Variants in MAP7D2 observed in about 807,000 individuals in gnomAD.
MAP7D2 encodes MAP7 domain-containing protein 2.
MAP7D2 carries 33 observed loss-of-function variants against 63.5 expected under a neutral mutation model. That is an observed-to-expected ratio of 0.52 (90% CI 0.39 to 0.70). The LOEUF (loss-of-function observed/expected upper bound fraction) is 0.70, where lower values mean the gene tolerates loss of function less well. Ranked by LOEUF, MAP7D2 falls within the 30% of genes least tolerant of loss-of-function variation. The pLI is 0.00. For synonymous variants in MAP7D2, 224 were observed against 223.7 expected, an observed-to-expected ratio of 1.00 and a Z score of -0.01; for missense variants, 626 against 604.0, an observed-to-expected ratio of 1.04 and a Z score of -0.38.
intron 1 of MAP7D2, among the ~76,000 whole-genome samples, chrX:20,090,726 A>G (rs963234338): frequency 1.8e-5 from 2 of 112,493 alleles, no homozygotes; most frequent in Non-Finnish European, 3.8e-5. Flanking sequence ...ACAGGACCAC[A>G]AGGTGGTTTG....
chrX:20,098,128 C>G (rs765745013), intron 1 of MAP7D2, among the ~76,000 whole-genome samples: 41 of 111,925 alleles, frequency 3.7e-4, no homozygotes, highest in Non-Finnish European at 6.4e-4. Context: ...AGCTCCCCTC[C>G]TACTTAACAG....
rs182118779 is a variant in MAP7D2, at chrX:20,036,740, C to T, written c.1007+5762G>A. ...CCAACATGGTGAAACCCCATCTCTA[C>T]GAAACATACAAAAATTAGCCGGGCG... On this transcript the variant is annotated intron_variant, in intron 8 of 16. Transcript: ENST00000379643. 9.3e-3 allele frequency among the ~76,000 whole-genome samples: 965 copies of T among 103,826 alleles called. 16 individuals are homozygous for T. Among genetic ancestry groups the T allele is most frequent in the African/African-American group, 0.032 (912 of 28,750 alleles). 90.2% of individuals were successfully genotyped at this position (103,826 alleles called of 115,157 possible).
chrX:20,023,674 C>T (rs751059501), intron 10 of MAP7D2, among the ~76,000 whole-genome samples: 26 of 111,615 alleles, frequency 2.3e-4, no homozygotes, highest in Non-Finnish European at 3.4e-4. Context: ...CTTTAGCACA[C>T]GACTACGATC....
intron 10 of MAP7D2, 47 bp downstream of exon 10, chrX:20,024,904 C>T (rs2073784906): frequency 8.5e-7 from 1 of 1,179,828 alleles, no homozygotes; most frequent in Admixed American, 2.3e-5. Context: ...CTCTTTCCAA[C>T]ACAACAGTTA....
chrX:20,026,231 G>A (rs2073839794), intron 8 of MAP7D2, among the ~76,000 whole-genome samples: 1 of 111,780 alleles, frequency 8.9e-6, no homozygotes, highest in Non-Finnish European at 1.9e-5. Context: ...TGTAAAGATG[G>A]AGTATTAGGC....
chrX:20,065,619 A>C (rs1171962853), intron 1 of MAP7D2, among the ~76,000 whole-genome samples: 1 of 111,443 alleles, frequency 9.0e-6, no homozygotes, highest in Non-Finnish European at 1.9e-5. Context: ...ACTATGAAAG[A>C]CAACACTCAA....
chrX:20,044,268 A>ACCAGGC, intron 7 of MAP7D2, 96 bp downstream of exon 7: 1 of 896,203 alleles, frequency 1.1e-6, no homozygotes, highest in Non-Finnish European at 1.6e-6. Context: ...CAGGAGATTG[A>ACCAGGC]TGGAAACAGA....
rs1441603703 is a variant in MAP7D2, at chrX:20,056,766, C to T, written c.398G>A (p.Arg133Gln). Residue 133 changes from arginine (R) to glutamine (Q), a missense_variant, in exon 4 of 17, where the codon CGG becomes CAG. By Grantham distance (43) the Arg-to-Gln change is conservative. Coordinates refer to ENST00000379643, the MANE Select transcript of MAP7D2 (RefSeq NM_001168465.2). ...EEERLEAMMR[R>Q]SLERTQQLEL... ...CAGCTGCTGTGTGCGCTCCAGGGAC[C>T]GGCGCATCATCGCCTCCAGCCGTTC... 4.1e-6 allele frequency: 5 copies of T among 1,210,971 alleles called. No individual in the cohort carries two copies. Among genetic ancestry groups the T allele is most frequent in the South Asian group, 1.8e-5 (1 of 56,933 alleles).
At position 20,025,678 on chromosome X, in the gene MAP7D2, T is replaced by C. The variant is rs1219648694; in HGVS notation, c.1279+3A>G. 8.3e-7 allele frequency: 1 copy of C among 1,211,487 alleles called. No homozygotes were observed. The highest frequency in any genetic ancestry group is 2.2e-5 in the Admixed American group (1 of 46,085). On this transcript the variant is annotated splice_donor_region_variant and intron_variant, in intron 9 of 16. Transcript: ENST00000379643. ...AAAGCCAAGGCACGGTGGCAGCATC[T>C]ACCTGCGCTGTTTTCGGCTTTCCCT...
At chrX:20,088,329 G>C (rs1484901477) in intron 1 of MAP7D2, among the ~76,000 whole-genome samples, 5 of 101,882 alleles carry the variant, frequency 4.9e-5, no homozygotes, top group African/African-American at 1.8e-4. Flanking sequence ...GTCTCGCTCT[G>C]TGTCCCAGGC....
intron 1 of MAP7D2, among the ~76,000 whole-genome samples, chrX:20,111,389 C>T (rs2074265529): frequency 8.9e-6 from 1 of 111,981 alleles, no homozygotes; most frequent in Non-Finnish European, 1.9e-5. Flanking sequence ...TGGGAATGTA[C>T]AGGAGGTGAA....
intron 9 of MAP7D2, 33 bp from the exon 10 acceptor site, chrX:20,025,116 A>C (rs1199617273): frequency 8.5e-7 from 1 of 1,176,009 alleles, no homozygotes; most frequent in Non-Finnish European, 1.1e-6. Flanking sequence ...AGAGGAAAAG[A>C]TCAAGGGAAA....
chrX:20,008,753 T>C (rs2073084233), intron 16 of MAP7D2, among the ~76,000 whole-genome samples: 2 of 111,909 alleles, frequency 1.8e-5, no homozygotes, highest in African/African-American at 6.5e-5. Flanking sequence ...CCACTTTTGG[T>C]AGAGAAGAAT....
At chrX:20,078,494 T>C (rs1402000595) in intron 1 of MAP7D2, among the ~76,000 whole-genome samples, 4 of 112,324 alleles carry the variant, frequency 3.6e-5, no homozygotes, top group South Asian at 3.7e-4. Flanking sequence ...TAGCTATTCC[T>C]ACTGGGAAGC....
chrX:20,105,864 A>G (rs917580760), intron 1 of MAP7D2, among the ~76,000 whole-genome samples: 1 of 112,193 alleles, frequency 8.9e-6, no homozygotes, highest in Admixed American at 9.5e-5. Flanking sequence ...GTCTGTTTTC[A>G]GTGGCTATAA....
intron 8 of MAP7D2, among the ~76,000 whole-genome samples, chrX:20,038,103 C>T (rs968735168): frequency 8.9e-6 from 1 of 111,992 alleles, no homozygotes; most frequent in African/African-American, 3.3e-5. Flanking sequence ...TGCACCATTC[C>T]TCAAGGTGAT....
At chrX:20,109,514 CG>C (rs2066675016) in intron 1 of MAP7D2, among the ~76,000 whole-genome samples, 1 of 76,186 alleles carries the variant, frequency 1.3e-5, no homozygotes, top group African/African-American at 6.1e-5. Flanking sequence ...AGCAAGACTC[CG>C]TCTCAAAAAA....
intron 10 of MAP7D2, among the ~76,000 whole-genome samples, chrX:20,024,744 G>A (rs963022511): frequency 2.7e-5 from 3 of 111,978 alleles, no homozygotes; most frequent in Non-Finnish European, 5.6e-5. Context: ...CAGGTCCTCC[G>A]AAAAGAACAA....
chrX:20,042,443 A>G, intron 8 of MAP7D2, 59 bp downstream of exon 8: 2 of 1,185,031 alleles, frequency 1.7e-6, no homozygotes, highest in Non-Finnish European at 2.3e-6. Flanking sequence ...GATGGCACAA[A>G]GCCCTAGCAA....
Sources: gnomAD v4.1 joint callset for allele counts (sites outside exome capture counted in the v4.1 genomes callset) on GRCh38, gnomAD v4.1.1 for gene constraint, MANE v1.5 for transcripts, NCBI Gene and HGNC (gene_info 2026-07-23, HGNC 2026-07-21) for gene names.